Variants in NLGN4Y observed in about 807,000 individuals in gnomAD.
The protein encoded by NLGN4Y is neuroligin-4, Y-linked.
NLGN4Y carries 4 observed loss-of-function variants against 8.4 expected under a neutral mutation model. That is an observed-to-expected ratio of 0.48 (90% CI 0.23 to 1.09). NLGN4Y has a LOEUF of 1.09. NLGN4Y is among the 50% of genes least tolerant of loss of function. The pLI is 0.19. For synonymous variants in NLGN4Y, 35 were observed against 75.6 expected (o/e 0.46, Z 2.78); for missense variants, 90 against 192.3 (o/e 0.47, Z 3.15).
chrY:14,718,602 C>G (rs2080924086), intron 2 of NLGN4Y, among the ~76,000 whole-genome samples: 1 of 33,616 alleles, frequency 3.0e-5, no homozygotes, highest in Non-Finnish European at 7.4e-5. Context: ...TATCCTTAAG[C>G]CTCTTCCTGC....
At chrY:14,671,649 C>A in intron 2 of NLGN4Y, among the ~76,000 whole-genome samples, 3 of 31,800 alleles carry the variant, frequency 9.4e-5, no homozygotes. Flanking sequence ...GAGTTTGAGA[C>A]CAATCTGACC....
chrY:14,754,071 T>C (rs2081050307), intron 4 of NLGN4Y, among the ~76,000 whole-genome samples: 2 of 32,953 alleles, frequency 6.1e-5, no homozygotes, highest in Non-Finnish European at 1.5e-4. Context: ...GCAACTAATT[T>C]GGTATCATAA....
chrY:14,759,280 A>G (rs2081072549), intron 4 of NLGN4Y, among the ~76,000 whole-genome samples: 1 of 32,700 alleles, frequency 3.1e-5, no homozygotes, highest in Non-Finnish European at 7.5e-5. Flanking sequence ...GGATGAAAAG[A>G]TACTGTTTTT....
chrY:14,628,031 G>A, intron 2 of NLGN4Y, among the ~76,000 whole-genome samples: 1 of 32,797 alleles, frequency 3.0e-5, no homozygotes, highest in Non-Finnish European at 7.5e-5. Context: ...AACCTGAGAG[G>A]CAGAGGGAGG....
At chrY:14,678,839 T>C (rs2080758731) in intron 2 of NLGN4Y, among the ~76,000 whole-genome samples, 1 of 33,453 alleles carries the variant, frequency 3.0e-5, no homozygotes, top group South Asian at 6.6e-4. Context: ...GATTGACTTT[T>C]TTCATTTAAA....
chrY:14,791,098 C>T (rs2042984173), intron 4 of NLGN4Y, among the ~76,000 whole-genome samples: 1 of 33,252 alleles, frequency 3.0e-5, no homozygotes, highest in Admixed American at 2.8e-4. Context: ...TTTCTGGTTA[C>T]GATTTTCAGT....
intron 2 of NLGN4Y, among the ~76,000 whole-genome samples, chrY:14,718,583 A>C (rs2080924019): frequency 3.0e-5 from 1 of 33,711 alleles, no homozygotes; most frequent in Admixed American, 2.7e-4. Flanking sequence ...AGCATAGCCT[A>C]GTTTTTGCTA....
chrY:14,705,973 T>G (rs2080875801), intron 2 of NLGN4Y, among the ~76,000 whole-genome samples: 2 of 33,452 alleles, frequency 6.0e-5, no homozygotes, highest in African/African-American at 2.3e-4. Flanking sequence ...TTTTCTTGAG[T>G]AGCATGATTA....
At chrY:14,626,952 G>A (rs2080530168) in intron 2 of NLGN4Y, among the ~76,000 whole-genome samples, 1 of 32,362 alleles carries the variant, frequency 3.1e-5, no homozygotes, top group Non-Finnish European at 7.5e-5. Flanking sequence ...TTTGGGAAGC[G>A]AGGTGGGCGG....
intron 1 of NLGN4Y, among the ~76,000 whole-genome samples, chrY:14,612,191 A>C: frequency 3.0e-5 from 1 of 33,040 alleles, no homozygotes; most frequent in African/African-American, 1.2e-4. Flanking sequence ...AGTTCTTGTA[A>C]CCTTTTATGA....
chrY:14,605,228 C>G, intron 1 of NLGN4Y, among the ~76,000 whole-genome samples: 3 of 32,342 alleles, frequency 9.3e-5, no homozygotes, highest in Admixed American at 5.8e-4. Context: ...TGTTTAGTTC[C>G]CACTTATAAG....
intron 1 of NLGN4Y, among the ~76,000 whole-genome samples, chrY:14,529,139 G>C (rs753782138): frequency 1.9e-4 from 6 of 32,260 alleles, no homozygotes; most frequent in African/African-American, 6.1e-4. Context: ...CCTTCATCCA[G>C]GCTCATTTTC....
chrY:14,674,158 A>C, intron 2 of NLGN4Y, among the ~76,000 whole-genome samples: 1 of 29,853 alleles, frequency 3.3e-5, no homozygotes, highest in Admixed American at 3.2e-4. Context: ...CACAATGTGC[A>C]CATGTACCCT....
intron 2 of NLGN4Y, among the ~76,000 whole-genome samples, chrY:14,709,577 G>T: frequency 3.0e-5 from 1 of 33,238 alleles, no homozygotes; most frequent in East Asian, 8.0e-4. Context: ...GCCGGGAATG[G>T]TGGCGCAGGC....
At chrY:14,660,669 AC>A (rs2080671600) in intron 2 of NLGN4Y, among the ~76,000 whole-genome samples, 1 of 31,552 alleles carries the variant, frequency 3.2e-5, no homozygotes. Flanking sequence ...GGCAGGAGAC[AC>A]CATTTTTATT....
intron 2 of NLGN4Y, among the ~76,000 whole-genome samples, chrY:14,650,629 A>AT (rs2080626470): frequency 9.3e-5 from 3 of 32,086 alleles, no homozygotes; most frequent in African/African-American, 3.6e-4. Flanking sequence ...TAGGGATCTC[A>AT]TTTTTTTTTC....
At chrY:14,669,855 T>C (rs2080704233) in intron 2 of NLGN4Y, among the ~76,000 whole-genome samples, 1 of 34,205 alleles carries the variant, frequency 2.9e-5, no homozygotes, top group Non-Finnish European at 7.3e-5. Flanking sequence ...ACTGCTCAGA[T>C]ACTAATGGTT....
intron 4 of NLGN4Y, among the ~76,000 whole-genome samples, chrY:14,781,357 G>A (rs905370396): frequency 5.9e-5 from 2 of 33,665 alleles, no homozygotes; most frequent in Non-Finnish European, 1.5e-4. Context: ...AGTTTATTCC[G>A]ATTTGTAGCT....
chrY:14,769,184 A>G, intron 4 of NLGN4Y, among the ~76,000 whole-genome samples: 1 of 33,849 alleles, frequency 3.0e-5, no homozygotes, highest in Non-Finnish European at 7.3e-5. Context: ...TTTAAAAGGG[A>G]GCCATTTGAA....
Sources: allele counts gnomAD v4.1 joint callset (sites outside exome capture counted in the v4.1 genomes callset), GRCh38; gene constraint gnomAD v4.1.1; transcripts MANE v1.5; gene names NCBI Gene and HGNC (gene_info 2026-07-23, HGNC 2026-07-21).